CROCC: variants seen among roughly 807,000 people sequenced by gnomAD.
The protein encoded by CROCC is rootletin.
In CROCC, 180 loss-of-function variants were observed where a neutral mutation model predicts 245.2. The observed-to-expected ratio is 0.73, with a 90% CI of 0.65 to 0.83. CROCC has a LOEUF of 0.83. CROCC is among the 40% of genes least tolerant of loss of function. CROCC has a pLI of 0.00. For missense variants in CROCC, 2,688 were observed against 2,779.4 expected (o/e 0.97, Z 0.74); for synonymous variants, 1,205 against 1,241.6 (o/e 0.97, Z 0.62).
In CROCC at chr1:16,948,328, C is replaced by A; in HGVS notation, c.2515-3C>A. On this transcript the variant is annotated splice_polypyrimidine_tract_variant and splice_region_variant and intron_variant, in intron 17 of 36. Coordinates refer to ENST00000375541, the MANE Select transcript of CROCC (RefSeq NM_014675.5). Reference sequence around the variant, plus strand: ...TGCTACTCAGTCTCTGGGTGGGGGCCAGCTCTCCCGGCAGCTGAGCGGGCG... The same window carrying A: ...TGCTACTCAGTCTCTGGGTGGGGGCAAGCTCTCCCGGCAGCTGAGCGGGCG... The A allele has an allele frequency of 6.4e-7, 1 of 1,559,656 alleles. No individual in the cohort carries two copies.
intron 20 of CROCC, chr1:16,953,015 G>C: frequency 2.5e-6 from 1 of 392,584 alleles, no homozygotes; most frequent in Non-Finnish European, 4.8e-6. Context: ...TCCAGGGGCT[G>C]TGTTCTTGGC....
chr1:16,935,881 T>C (rs2075776454), intron 8 of CROCC, among the ~76,000 whole-genome samples: 1 of 152,264 alleles, frequency 6.6e-6, no homozygotes, highest in African/African-American at 2.4e-5. Context: ...CCATCTCCTC[T>C]GTGCTGGGGT....
At chr1:16,965,676 A>G in intron 27 of CROCC, 47 bp from the exon 28 acceptor site, 1 of 1,326,082 alleles carries the variant, frequency 7.5e-7, no homozygotes, top group Non-Finnish European at 1.1e-6. Context: ...GATGTGTGGG[A>G]GGCCCGTGGC....
chr1:16,952,424 G>A (rs1234376682), intron 20 of CROCC, among the ~76,000 whole-genome samples: 1 of 151,948 alleles, frequency 6.6e-6, no homozygotes, highest in Non-Finnish European at 1.5e-5. Flanking sequence ...GGCAGAGGTT[G>A]CAGTGAGCCA....
At chr1:16,956,204 G>A (rs755552834) in intron 25 of CROCC, 48 bp downstream of exon 25, 15 of 1,463,608 alleles carry the variant, frequency 1.0e-5, no homozygotes, top group African/African-American at 8.5e-5. Context: ...TGTGTGCCCC[G>A]GGCCAATAGC....
chr1:16,968,132 G>A, intron 30 of CROCC, 71 bp from the exon 31 acceptor site: 1 of 1,467,696 alleles, frequency 6.8e-7, no homozygotes. Context: ...CCCCCTAAGG[G>A]CCCCAGGGCG....
At chr1:16,915,379 A>C (rs538928581) in intron 1 of CROCC, among the ~76,000 whole-genome samples, 1 of 152,420 alleles carries the variant, frequency 6.6e-6, no homozygotes, top group South Asian at 2.1e-4. Flanking sequence ...TGTGGAAGTG[A>C]CAGTGAGCTA....
intron 34 of CROCC, 42 bp from the exon 35 acceptor site, chr1:16,970,594 G>A (rs1424412033): frequency 3.3e-6 from 5 of 1,498,294 alleles, no homozygotes; most frequent in Non-Finnish European, 4.5e-6. Flanking sequence ...CCCTCAGTAA[G>A]CTCCTCCTGG....
At chr1:16,971,331 G>C (rs1266166979) in intron 35 of CROCC, 134 bp from the exon 36 acceptor site, 1 of 1,326,770 alleles carries the variant, frequency 7.5e-7, no homozygotes, top group East Asian at 2.7e-5. Context: ...CAGCAGGATG[G>C]AAGACACACA....
Position 16,970,633 on chromosome 1 carries a change from T to G in CROCC, c.5653-3T>G, listed in dbSNP as rs751926430. 4 of 1,542,126 alleles carry G rather than the reference T, an allele frequency of 2.6e-6. No homozygotes were observed. Among genetic ancestry groups the G allele is most frequent in the Non-Finnish European group, 3.5e-6 (4 of 1,143,308 alleles). ...CCTGATCTCCTGTGGCTCTCCTGCC[T>G]AGGTGGAGCGGGAGAAGCTTCGTAG... On this transcript the variant is annotated splice_region_variant and splice_polypyrimidine_tract_variant and intron_variant, in intron 34 of 36. Transcript: ENST00000375541.
At chr1:16,955,162 C>T (rs776807120) in intron 23 of CROCC, 150 bp from the exon 24 acceptor site, 60 of 789,004 alleles carry the variant, frequency 7.6e-5, no homozygotes, top group Non-Finnish European at 9.2e-5. Context: ...GATTACAGCA[C>T]GCCTTGCTCA....
At chr1:16,919,547 A>G (rs1383384485), upstream of CROCC, among the ~76,000 whole-genome samples, 7 of 152,282 alleles carry the variant, frequency 4.6e-5, no homozygotes, top group Non-Finnish European at 7.3e-5. Context: ...GAAGGAAGGA[A>G]CTTTATTCGG....
intron 17 of CROCC, 110 bp from the exon 18 acceptor site, chr1:16,948,221 T>C: frequency 7.0e-7 from 1 of 1,436,750 alleles, no homozygotes; most frequent in Non-Finnish European, 9.1e-7. Flanking sequence ...GACCCTGGGC[T>C]CAAACCCAGG....
At chr1:16,916,186 A>AAAAAAAAAAAAAAAAAAAAAAAC (rs1451391327) in intron 1 of CROCC, among the ~76,000 whole-genome samples, 1 of 150,440 alleles carries the variant, frequency 6.6e-6, no homozygotes, top group African/African-American at 2.5e-5. Flanking sequence ...TCTGCCTCAA[A>AAAAAAAAAAAAAAAAAAAAAAAC]AAAAAAGGCC....
chr1:16,916,183 CA>C (rs58710425), intron 1 of CROCC, among the ~76,000 whole-genome samples: 1 of 107,914 alleles, frequency 9.3e-6, no homozygotes, highest in African/African-American at 3.2e-5. Flanking sequence ...GACTCTGCCT[CA>C]AAAAAAAAGG....
chr1:16,968,503 C>A, intron 31 of CROCC, 85 bp downstream of exon 31: 1 of 1,319,716 alleles, frequency 7.6e-7, no homozygotes, highest in Non-Finnish European at 1.0e-6. Flanking sequence ...CCCCAACAAC[C>A]CTGTGAGGCA....
At position 16,922,738 on chromosome 1, in the gene CROCC, A is replaced by AGCCT; in HGVS notation, c.144_147dup (p.Leu50CysfsTer15). ...CCTGGCCCAGGACGCTCAGATCACCAGCCTGCCTGCCCTTATCAGGGAGAT... is the reference window on the plus strand; with the variant it reads ...CCTGGCCCAGGACGCTCAGATCACCAGCCTGCCTGCCTGCCCTTATCAGGGAGAT... On this transcript the variant is annotated frameshift_variant, in exon 2 of 37. Coordinates refer to ENST00000375541, the MANE Select transcript of CROCC (RefSeq NM_014675.5). LOFTEE classifies it high-confidence loss of function. 1 of 1,613,952 alleles carries AGCCT rather than the reference A, an allele frequency of 6.2e-7. No homozygotes were observed. Among genetic ancestry groups the AGCCT allele is most frequent in the Non-Finnish European group, 8.5e-7 (1 of 1,180,010 alleles).
chr1:16,972,186 G>A (rs1243397514), intron 36 of CROCC, among the ~76,000 whole-genome samples, 174 bp from the exon 37 acceptor site: 7 of 152,156 alleles, frequency 4.6e-5, no homozygotes, highest in Admixed American at 2.6e-4. Flanking sequence ...GTCAGAAGAC[G>A]CCTGACTCTG....
chr1:16,943,898 A>C (rs1160420016), intron 13 of CROCC, among the ~76,000 whole-genome samples: 1 of 152,286 alleles, frequency 6.6e-6, no homozygotes, highest in Non-Finnish European at 1.5e-5. Flanking sequence ...GGCGGACTGG[A>C]GAGAAGGAAA....
Sources: gnomAD v4.1 joint callset for allele counts (sites outside exome capture counted in the v4.1 genomes callset) on GRCh38, gnomAD v4.1.1 for gene constraint, MANE v1.5 for transcripts, NCBI Gene and HGNC (gene_info 2026-07-23, HGNC 2026-07-21) for gene names.